DTD1: variants seen among roughly 807,000 people sequenced by gnomAD.
The protein encoded by DTD1 is D-tyrosyl-tRNA deacylase 1 homolog.
In DTD1, 13 loss-of-function variants were observed where a neutral mutation model predicts 25.6. That is an observed-to-expected ratio of 0.51 (90% CI 0.33 to 0.81). DTD1 has a LOEUF of 0.81. DTD1 is among the 30% of genes least tolerant of loss of function. The probability of loss-of-function intolerance (pLI) is 0.02; values close to 1 mark genes in which losing one functional copy is unlikely to be tolerated. For synonymous variants in DTD1, 110 were observed against 103.6 expected (o/e 1.06, Z -0.37); for missense variants, 193 against 266.4 (o/e 0.72, Z 1.92).
At chr20:18,680,211 G>T (rs1221773157) in intron 4 of DTD1, among the ~76,000 whole-genome samples, 3 of 151,910 alleles carry the variant, frequency 2.0e-5, no homozygotes, top group Non-Finnish European at 2.9e-5. Flanking sequence ...TTTATTCACG[G>T]TCTCATTGTG....
chr20:18,635,848 C>A (rs942889629), intron 4 of DTD1, among the ~76,000 whole-genome samples: 4 of 152,164 alleles, frequency 2.6e-5, no homozygotes, highest in African/African-American at 9.7e-5. Context: ...TGACTTTCAC[C>A]TTACCATCTT....
intron 4 of DTD1, among the ~76,000 whole-genome samples, chr20:18,652,295 TA>T (rs1242554819): frequency 6.6e-6 from 1 of 152,254 alleles, no homozygotes; most frequent in Non-Finnish European, 1.5e-5. Context: ...ATAATAGCTA[TA>T]AAAATATTTT....
intron 4 of DTD1, among the ~76,000 whole-genome samples, chr20:18,695,057 G>A (rs1042118432): frequency 1.3e-5 from 2 of 152,136 alleles, no homozygotes; most frequent in African/African-American, 2.4e-5. Flanking sequence ...TACTCAGCGC[G>A]TGTTCTGCGA....
chr20:18,672,704 T>C (rs1043563086), intron 4 of DTD1, among the ~76,000 whole-genome samples: 6 of 152,236 alleles, frequency 3.9e-5, no homozygotes, highest in Non-Finnish European at 2.9e-5. Context: ...TTTCAGAGTT[T>C]GGATAGATAG....
chr20:18,644,215 T>C (rs1275611392), intron 4 of DTD1, among the ~76,000 whole-genome samples: 2 of 130,644 alleles, frequency 1.5e-5, no homozygotes, highest in Non-Finnish European at 3.3e-5. Context: ...TTTTTAAAAT[T>C]TGAAGTATTT....
chr20:18,633,360 A>C (rs1458700904), intron 4 of DTD1, among the ~76,000 whole-genome samples: 3 of 151,944 alleles, frequency 2.0e-5, no homozygotes, highest in African/African-American at 7.3e-5. Flanking sequence ...TTCTCCAAGA[A>C]TCTCTGACCC....
At position 18,763,862 on chromosome 20, in the gene DTD1, A is replaced by T. The variant is rs924756701; in HGVS notation, c.*522A>T. ...TCTTGTAAATTTTCTCTTTTTTCTAAAAATAAATAATAATAAAATCCTAAA... is the reference window on the plus strand; with the variant it reads ...TCTTGTAAATTTTCTCTTTTTTCTATAAATAAATAATAATAAAATCCTAAA... On this transcript the variant is annotated 3_prime_UTR_variant, in exon 6 of 6. Transcript: ENST00000377452. 2.6e-5 allele frequency: 4 copies of T among 152,212 alleles called. No individual in the cohort carries two copies. Among genetic ancestry groups the T allele is most frequent in the Admixed American group, 2.6e-4 (4 of 15,286 alleles). The allele number at this position is 152,212 out of a possible 1,614,324, so 9.4% of individuals were successfully genotyped here. A position where few individuals can be genotyped will look rare whatever the true frequency, so the allele number is the denominator to read the frequency against.
At chr20:18,735,242 G>A (rs375438130) in intron 4 of DTD1, among the ~76,000 whole-genome samples, 7 of 152,358 alleles carry the variant, frequency 4.6e-5, no homozygotes, top group South Asian at 2.1e-4. Flanking sequence ...ATGCAGGACA[G>A]AGTAGTCTGG....
intron 4 of DTD1, among the ~76,000 whole-genome samples, chr20:18,664,104 G>A (rs2060922197): frequency 6.6e-6 from 1 of 152,160 alleles, no homozygotes; most frequent in Non-Finnish European, 1.5e-5. Context: ...TAAGTCACTT[G>A]GTGATGTTCA....
intron 4 of DTD1, among the ~76,000 whole-genome samples, chr20:18,649,878 G>T (rs1033003964): frequency 2.0e-5 from 3 of 152,146 alleles, no homozygotes; most frequent in Non-Finnish European, 4.4e-5. Context: ...ATGCTCATGC[G>T]CCACAGTCCT....
chr20:18,596,336 A>G (rs6081237), intron 3 of DTD1, 95 bp downstream of exon 3: 169,431 of 1,048,568 alleles, frequency 0.16, 15,116 homozygotes, highest in Non-Finnish European at 0.18. Flanking sequence ...CTTTTCTGGA[A>G]AGTCATTGTT....
intron 2 of DTD1, among the ~76,000 whole-genome samples, chr20:18,595,803 G>A (rs577107789): frequency 4.6e-5 from 7 of 152,304 alleles, no homozygotes; most frequent in African/African-American, 1.2e-4. Flanking sequence ...GTGTGAGGTA[G>A]AACTGTTATT....
At chr20:18,626,959 A>T (rs1372088541) in intron 3 of DTD1, among the ~76,000 whole-genome samples, 1 of 152,214 alleles carries the variant, frequency 6.6e-6, no homozygotes, top group African/African-American at 2.4e-5. Context: ...ATGCAATTAA[A>T]CACATGATTT....
chr20:18,702,515 A>G (rs2061109561), intron 4 of DTD1, among the ~76,000 whole-genome samples: 1 of 152,206 alleles, frequency 6.6e-6, no homozygotes, highest in East Asian at 1.9e-4. Context: ...TGGAGTACAT[A>G]CTAGAGACCG....
chr20:18,702,830 C>T (rs1009454814), intron 4 of DTD1, among the ~76,000 whole-genome samples: 1 of 151,866 alleles, frequency 6.6e-6, no homozygotes, highest in Non-Finnish European at 1.5e-5. Flanking sequence ...GTGCCTTTGC[C>T]ATATTCCTAA....
intron 4 of DTD1, among the ~76,000 whole-genome samples, chr20:18,733,812 G>A (rs2061246870): frequency 1.3e-5 from 2 of 152,146 alleles, no homozygotes; most frequent in South Asian, 4.1e-4. Context: ...AGTTAATAAT[G>A]TATGAAAATT....
chr20:18,723,123 A>C (rs905259079), intron 4 of DTD1, among the ~76,000 whole-genome samples: 1 of 152,132 alleles, frequency 6.6e-6, no homozygotes, highest in Non-Finnish European at 1.5e-5. Context: ...AACATTCTTT[A>C]TTGGAAGGGG....
chr20:18,696,875 T>C (rs2061079503), intron 4 of DTD1, among the ~76,000 whole-genome samples: 1 of 151,852 alleles, frequency 6.6e-6, no homozygotes, highest in Admixed American at 6.6e-5. Flanking sequence ...TTTTACTGCT[T>C]CCATTTAAAA....
At position 18,722,073 on chromosome 20, in the gene DTD1, T is replaced by C. The variant is rs57563442; in HGVS notation, c.478-22027T>C. Among the ~76,000 whole-genome samples, 1,334 of 152,318 alleles carry C rather than the reference T, an allele frequency of 8.8e-3. 20 individuals are homozygous for C. Among genetic ancestry groups the C allele is most frequent in the African/African-American group, 0.031 (1,277 of 41,564 alleles). ...GCCATTCGGTCTGTGCTAGCCACCA[T>C]CGAGGGTGGCTGGACTCCTCAGGCC... On this transcript the variant is annotated intron_variant, in intron 4 of 5. Transcript: ENST00000377452.
Sources: gnomAD v4.1 joint callset for allele counts (sites outside exome capture counted in the v4.1 genomes callset) on GRCh38, gnomAD v4.1.1 for gene constraint, MANE v1.5 for transcripts, NCBI Gene and HGNC (gene_info 2026-07-23, HGNC 2026-07-21) for gene names.